Variants in ACTG2 observed in about 807,000 individuals in gnomAD.
The protein encoded by ACTG2 is actin gamma 2, smooth muscle.
In ACTG2, 16 loss-of-function variants were observed where a neutral mutation model predicts 37.6. The ratio of observed to expected loss-of-function variants is 0.43; its 90% CI spans 0.29 to 0.65. The LOEUF (loss-of-function observed/expected upper bound fraction) is 0.65. ACTG2 is among the 30% of genes least tolerant of loss of function. ACTG2 has a pLI of 0.18. For missense variants in ACTG2, 238 were observed against 490.9 expected (o/e 0.48, Z 4.87); for synonymous variants, 181 against 179.9 (o/e 1.01, Z -0.05).
At chr2:73,902,686 C>T in intron 3 of ACTG2, 198 bp downstream of exon 3, 2 of 1,551,728 alleles carry the variant, frequency 1.3e-6, no homozygotes, top group Non-Finnish European at 1.7e-6. Context: ...GCAATGGCTT[C>T]CTGGCTGATT....
chr2:73,901,467 T>C (rs1573461531), intron 2 of ACTG2, 30 bp downstream of exon 2: 1 of 1,612,194 alleles, frequency 6.2e-7, no homozygotes. Context: ...CCACCAGGCT[T>C]TGAGCCACTA....
chr2:73,902,511 T>G, intron 3 of ACTG2, 23 bp downstream of exon 3: 1 of 1,613,696 alleles, frequency 6.2e-7, no homozygotes, highest in Non-Finnish European at 8.5e-7. Flanking sequence ...TTCCCCTTAA[T>G]GAGCCTGCTT....
At chr2:73,911,118 G>A (rs899424801) in intron 5 of ACTG2, among the ~76,000 whole-genome samples, 9 of 152,038 alleles carry the variant, frequency 5.9e-5, no homozygotes, top group East Asian at 3.8e-4. Flanking sequence ...GAATATCTCC[G>A]GAAGGACCTG....
chr2:73,913,229 T>TA (rs1389222364), intron 5 of ACTG2, among the ~76,000 whole-genome samples: 1 of 151,246 alleles, frequency 6.6e-6, no homozygotes, highest in Non-Finnish European at 1.5e-5. Context: ...AAGTATGCAT[T>TA]ACCAGTAATG....
intron 3 of ACTG2, among the ~76,000 whole-genome samples, chr2:73,904,769 G>GTATATA (rs1679977564): frequency 5.5e-5 from 2 of 36,364 alleles, no homozygotes; most frequent in African/African-American, 9.3e-5. Context: ...GTGTGTGTGT[G>GTATATA]TGTGTGTGTA....
rs1679921298 is a variant in ACTG2, at chr2:73,902,811, T to C, written c.255+323T>C. On this transcript the variant is annotated intron_variant, in intron 3 of 8. Transcript: ENST00000345517. ...CCTCCTCAGAAATCTTCAGTAGCTC[T>C]TCATTAACCAACAGGGGGTTCCTAA... is the stretch of plus-strand genomic sequence containing the variant. 5 of 1,522,050 alleles carry C rather than the reference T, an allele frequency of 3.3e-6. No individual in the cohort carries two copies. The East Asian group carries it at 9.8e-5, about 30-fold the overall frequency. The allele number at this position is 1,522,050 out of a possible 1,614,324, so 94.3% of individuals were successfully genotyped here.
At chr2:73,904,708 T>C (rs538666903) in intron 3 of ACTG2, among the ~76,000 whole-genome samples, 1 of 148,664 alleles carries the variant, frequency 6.7e-6, no homozygotes, top group African/African-American at 2.5e-5. Flanking sequence ...CATTTCATTA[T>C]ATAATCATTT....
At chr2:73,914,065 A>G (rs888653719) in intron 6 of ACTG2, among the ~76,000 whole-genome samples, 3 of 152,320 alleles carry the variant, frequency 2.0e-5, no homozygotes, top group South Asian at 2.1e-4. Context: ...AAGATCAAAC[A>G]TCTGAGTCTA....
intron 8 of ACTG2, among the ~76,000 whole-genome samples, chr2:73,917,147 A>G (rs892451841): frequency 6.6e-6 from 1 of 152,094 alleles, no homozygotes; most frequent in Admixed American, 6.6e-5. Context: ...ACTGCACTCC[A>G]GCCTGTCTCT....
rs747982211 is a variant in ACTG2, at chr2:73,914,767, C to A, written c.701C>A (p.Ser234Tyr). 4 of 1,612,830 alleles carry A rather than the reference C, an allele frequency of 2.5e-6. No homozygotes were observed. Among genetic ancestry groups the A allele is most frequent in the Non-Finnish European group, 2.5e-6 (3 of 1,179,332 alleles). Residue 234 changes from serine (S) to tyrosine (Y), a missense_variant, in exon 7 of 9, where the codon TCT becomes TAT. Physicochemically the swap from Ser to Tyr is moderately radical, Grantham distance 144. Coordinates refer to ENST00000345517, the MANE Select transcript of ACTG2 (RefSeq NM_001615.4). Reference sequence around the variant, plus strand: ...AATGAGATGGCCACAGCAGCTTCCTCTTCCTCCCTGGAGAAGAGCTATGAG... The same window carrying A: ...AATGAGATGGCCACAGCAGCTTCCTATTCCTCCCTGGAGAAGAGCTATGAG... ...FENEMATAAS[S>Y]SSLEKSYELP... is the part of the protein sequence containing the mutation.
intron 1 of ACTG2, among the ~76,000 whole-genome samples, chr2:73,899,046 G>A (rs1053254557): frequency 4.6e-5 from 7 of 151,954 alleles, no homozygotes; most frequent in Non-Finnish European, 7.4e-5. Flanking sequence ...TCCTGACGTC[G>A]TGATCCGCCC....
Position 73,913,600 on chromosome 2 carries a change from C to G in ACTG2, c.567C>G (p.Tyr189Ter). Residue 189 changes from tyrosine (Y) to a stop codon, truncating the protein, a stop_gained, in exon 6 of 9, where the codon TAC becomes TAG. Coordinates refer to ENST00000345517, the MANE Select transcript of ACTG2 (RefSeq NM_001615.4). LOFTEE classifies it high-confidence loss of function. ...LDLAGRDLTD[Y>*]LMKILTERGY... is the part of the protein sequence containing the mutation. The stretch of plus-strand genomic sequence containing the variant: ...TGGCTGGCCGTGACCTCACGGACTA[C>G]CTCATGAAGATCCTCACAGAGAGAG... 6.2e-7 allele frequency: 1 copy of G among 1,613,856 alleles called. No individual in the cohort carries two copies. The highest frequency in any genetic ancestry group is 8.5e-7 in the Non-Finnish European group (1 of 1,179,870).
chr2:73,903,960 CA>C (rs140443634), intron 3 of ACTG2, among the ~76,000 whole-genome samples: 7 of 59,370 alleles, frequency 1.2e-4, no homozygotes, highest in East Asian at 9.1e-4. Flanking sequence ...AAAAAAAAAA[CA>C]AAAAAAAAAC....
At chr2:73,903,939 C>CAAAGAAAAA (rs1679946839) in intron 3 of ACTG2, among the ~76,000 whole-genome samples, 1 of 90,018 alleles carries the variant, frequency 1.1e-5, no homozygotes, top group African/African-American at 4.3e-5. Flanking sequence ...GACTCCGTCT[C>CAAAGAAAAA]AAAAAAAAAA....
intron 6 of ACTG2, among the ~76,000 whole-genome samples, chr2:73,914,036 G>A (rs1342139200): frequency 6.6e-6 from 1 of 152,154 alleles, no homozygotes; most frequent in African/African-American, 2.4e-5. Context: ...TTTTAGGTGG[G>A]AGCCTCTCTA....
In ACTG2 at chr2:73,919,772, CA is replaced by C; in HGVS notation, c.*198del. The C allele has an allele frequency of 2.1e-6, 1 of 467,474 alleles. No individual in the cohort carries two copies. The highest frequency in any genetic ancestry group is 2.0e-5 in the African/African-American group (1 of 50,268). The allele number at this position is 467,474 out of a possible 1,614,324, so 29.0% of individuals were successfully genotyped here. The stretch of plus-strand genomic sequence containing the variant: ...GTAAGGTAGGTGCTATCATTATACC[CA>C]TATTACAGATGAGGAAATTGAGGCT... On this transcript the variant is annotated 3_prime_UTR_variant, in exon 9 of 9. Transcript: ENST00000345517.
At chr2:73,915,934 G>T (rs1286962897) in intron 7 of ACTG2, among the ~76,000 whole-genome samples, 1 of 152,146 alleles carries the variant, frequency 6.6e-6, no homozygotes, top group Non-Finnish European at 1.5e-5. Flanking sequence ...GGTCTCTTTT[G>T]AAGGTATTTA....
chr2:73,901,555 TG>T, intron 2 of ACTG2, 118 bp downstream of exon 2: 2 of 123,828 alleles, frequency 1.6e-5, no homozygotes, highest in Non-Finnish European at 1.2e-5. Flanking sequence ...TGTGTGTGTG[TG>T]TGTGTGTGTG....
At chr2:73,902,564 T>C (rs1679915779) in intron 3 of ACTG2, 76 bp downstream of exon 3, 1 of 1,591,330 alleles carries the variant, frequency 6.3e-7, no homozygotes, top group East Asian at 2.3e-5. Context: ...CATAGGCCAC[T>C]GTGCTCTGTC....
Sources: allele counts gnomAD v4.1 joint callset (sites outside exome capture counted in the v4.1 genomes callset), GRCh38; gene constraint gnomAD v4.1.1; transcripts MANE v1.5; gene names NCBI Gene and HGNC (gene_info 2026-07-23, HGNC 2026-07-21).